Variants in RFX2 observed in about 807,000 individuals in gnomAD.
RFX2 encodes the protein regulatory factor X2.
A neutral mutation model predicts 87.8 loss-of-function variants in RFX2; 20 were observed. The observed-to-expected ratio is 0.23, with a 90% CI of 0.16 to 0.33. The LOEUF (loss-of-function observed/expected upper bound fraction) is 0.33, where lower values mean the gene tolerates loss of function less well. Ranked by LOEUF, RFX2 falls within the 10% of genes least tolerant of loss-of-function variation. RFX2 has a pLI of 1.00. For synonymous variants in RFX2, 397 were observed against 431.3 expected (o/e 0.92, Z 0.98); for missense variants, 767 against 1,012.3 (o/e 0.76, Z 3.29).
chr19:6,012,920 G>T lies in RFX2; in HGVS notation c.899+66C>A. 7.2e-7 allele frequency: 1 copy of T among 1,386,036 alleles called. No homozygotes were observed. The highest frequency in any genetic ancestry group is 1.8e-5 in the South Asian group (1 of 54,516). 85.9% of individuals were successfully genotyped at this position (1,386,036 alleles called of 1,614,324 possible). ...GTTATGATGAGTTTGTTTCGTGTTG[G>T]AGAAACACCCACCCCTCCATGCTCC... On this transcript the variant is annotated intron_variant, in intron 8 of 17. Coordinates refer to ENST00000303657, the MANE Select transcript of RFX2 (RefSeq NM_000635.4). This position sits in a 1 kb window ranked among gnomAD's most constrained non-coding sequence, Gnocchi z 4.6.
At position 6,007,269 on chromosome 19, in the gene RFX2, G is replaced by T. The variant is rs563942222; in HGVS notation, c.1248-103C>A. On this transcript the variant is annotated intron_variant, in intron 11 of 17. Coordinates refer to ENST00000303657, the MANE Select transcript of RFX2 (RefSeq NM_000635.4). This position sits in a 1 kb window ranked among gnomAD's most constrained non-coding sequence, Gnocchi z 8.2. ...CGGGCTGCGGGACTTTTGCCCAACA[G>T]TGGGGCTGGGGTTTTGCTCCCCATC... 4 of 1,240,576 alleles carry T rather than the reference G, an allele frequency of 3.2e-6. No individual in the cohort carries two copies. The Admixed American group carries it at 8.7e-5, about 27-fold the overall frequency. The allele number at this position is 1,240,576 out of a possible 1,614,324, so 76.8% of individuals were successfully genotyped here.
At position 6,022,590 on chromosome 19, in the gene RFX2, A is replaced by ACACCCGGT. The variant is rs2086830730; in HGVS notation, c.597+3565_597+3572dup. Among the ~76,000 whole-genome samples the ACACCCGGT allele has an allele frequency of 2.0e-5, 3 of 152,300 alleles. No individual in the cohort carries two copies. The highest frequency in any genetic ancestry group is 6.5e-5 in the Admixed American group (1 of 15,296). ...CTTCTGCTCAAGTCGGTGGCCTGCCACACCCGGTCGGGTGAAGACATGTTT... is the reference window on the plus strand; with the variant it reads ...CTTCTGCTCAAGTCGGTGGCCTGCCACACCCGGTCACCCGGTCGGGTGAAGACATGTTT... On this transcript the variant is annotated intron_variant, in intron 6 of 17. Coordinates refer to ENST00000303657, the MANE Select transcript of RFX2 (RefSeq NM_000635.4). This position sits in a 1 kb window ranked among gnomAD's most constrained non-coding sequence, Gnocchi z 6.2.
At chr19:6,048,783 C>T (rs2087231122) in intron 1 of RFX2, among the ~76,000 whole-genome samples, 2 of 152,272 alleles carry the variant, frequency 1.3e-5, no homozygotes, top group South Asian at 4.1e-4. Flanking sequence ...CTAAGGAAAG[C>T]AGAAAGGGAT....
At chr19:6,069,884 G>C (rs926751162) in intron 1 of RFX2, among the ~76,000 whole-genome samples, 5 of 152,196 alleles carry the variant, frequency 3.3e-5, no homozygotes, top group East Asian at 3.9e-4. Flanking sequence ...AGGAAACTGA[G>C]AGCGGGTTTC....
rs1021211997 is a variant in RFX2 at position 6,026,833 on chromosome 19, T to C, written c.523-596A>G. 1.3e-5 allele frequency: 2 copies of C among 152,544 alleles called. No homozygotes were observed. The highest frequency in any genetic ancestry group is 2.9e-5 in the Non-Finnish European group (2 of 68,354). The allele number at this position is 152,544 out of a possible 1,614,324, so 9.4% of individuals were successfully genotyped here. ...TGGCGAATGTTTACCCAGTGGGAGCTGTGCGAAGAAGATTTTTGGAAAAGA... is the reference window on the plus strand; with the variant it reads ...TGGCGAATGTTTACCCAGTGGGAGCCGTGCGAAGAAGATTTTTGGAAAAGA... On this transcript the variant is annotated intron_variant, in intron 5 of 17. Coordinates refer to ENST00000303657, the MANE Select transcript of RFX2 (RefSeq NM_000635.4). This position sits in a 1 kb window ranked among gnomAD's most constrained non-coding sequence, Gnocchi z 4.5.
intron 1 of RFX2, among the ~76,000 whole-genome samples, chr19:6,088,401 G>A (rs1262270534): frequency 6.6e-6 from 1 of 151,920 alleles, no homozygotes; most frequent in Non-Finnish European, 1.5e-5. Context: ...AGTAGAGATG[G>A]GGTTTCTCCC....
In RFX2 at chr19:6,047,826, T is replaced by C. The variant is rs1876776453; in HGVS notation, c.-8-322A>G. 1.3e-5 allele frequency among the ~76,000 whole-genome samples: 2 copies of C among 152,200 alleles called. No homozygotes were observed. The highest frequency in any genetic ancestry group is 4.8e-5 in the African/African-American group (2 of 41,454). On this transcript the variant is annotated intron_variant, in intron 1 of 17. Transcript: ENST00000303657. This position sits in a 1 kb window ranked among gnomAD's most constrained non-coding sequence, Gnocchi z 4.2. ...CAAGTCTGAGCAGGTTGAACTATTT[T>C]GAAGGGCTCAATTGTTTCCTCATTT...
rs759539369 is a variant in RFX2 at position 6,024,978 on chromosome 19, G to A, written c.597+1185C>T. Among the ~76,000 whole-genome samples, 12 of 152,062 alleles carry A rather than the reference G, an allele frequency of 7.9e-5. No homozygotes were observed. The highest frequency in any genetic ancestry group is 1.6e-4 in the Non-Finnish European group (11 of 68,004). ...GGACGGGAGTCAGGACGGGATCACG[G>A]TGATGACTGGGGTCCACTGAAGGGG... On this transcript the variant is annotated intron_variant, in intron 6 of 17. Coordinates refer to ENST00000303657, the MANE Select transcript of RFX2 (RefSeq NM_000635.4). The surrounding 1 kb of genome is among the most constrained non-coding windows in gnomAD (Gnocchi z 5.0).
chr19:6,104,502 G>A (rs1293468130), intron 1 of RFX2, among the ~76,000 whole-genome samples: 1 of 151,402 alleles, frequency 6.6e-6, no homozygotes, highest in Non-Finnish European at 1.5e-5. Context: ...CTGGGAGGTG[G>A]AGCTTGCAGT....
intron 12 of RFX2, among the ~76,000 whole-genome samples, chr19:6,005,231 G>A (rs144578565): frequency 1.1e-4 from 16 of 152,356 alleles, no homozygotes; most frequent in African/African-American, 3.4e-4. Flanking sequence ...GCAAGGCCAG[G>A]CCAAATGAGA....
chr19:6,001,682 G>T lies in RFX2; in HGVS notation c.1859+133C>A. 1.3e-6 allele frequency: 1 copy of T among 757,254 alleles called. No homozygotes were observed. The highest frequency in any genetic ancestry group is 2.0e-6 in the Non-Finnish European group (1 of 490,292). The allele number at this position is 757,254 out of a possible 1,614,324, so 46.9% of individuals were successfully genotyped here. ...CCCAGCCAGGTAGTTGTTTTTTGCG[G>T]GTTCAGACACTGCTGCAACTCTGCT... On this transcript the variant is annotated intron_variant, in intron 15 of 17. Transcript: ENST00000303657. This position sits in a 1 kb window ranked among gnomAD's most constrained non-coding sequence, Gnocchi z 5.6.
intron 13 of RFX2, among the ~76,000 whole-genome samples, chr19:6,003,821 A>C (rs930875620): frequency 8.3e-5 from 12 of 143,768 alleles, no homozygotes; most frequent in African/African-American, 2.8e-4. Flanking sequence ...AATGCTTGTG[A>C]GAACGGTGGG....
At chr19:6,051,521 T>C (rs1261810153) in intron 1 of RFX2, among the ~76,000 whole-genome samples, 1 of 152,070 alleles carries the variant, frequency 6.6e-6, no homozygotes, top group Non-Finnish European at 1.5e-5. Flanking sequence ...AAAAAATATA[T>C]ATACAAAAAG....
At position 6,021,552 on chromosome 19, in the gene RFX2, A is replaced by C. The variant is rs2086810712; in HGVS notation, c.597+4611T>G. Among the ~76,000 whole-genome samples the C allele has an allele frequency of 6.6e-6, 1 of 152,134 alleles. No individual in the cohort carries two copies. The highest frequency in any genetic ancestry group is 1.5e-5 in the Non-Finnish European group (1 of 68,016). Reference sequence around the variant, plus strand: ...GGCAGGGCTCACTGAGAAAGTGCCCACTGAGTGAAGACTCAGAGGAGGTGA... The same window carrying C: ...GGCAGGGCTCACTGAGAAAGTGCCCCCTGAGTGAAGACTCAGAGGAGGTGA... On this transcript the variant is annotated intron_variant, in intron 6 of 17. Transcript: ENST00000303657. The surrounding 1 kb of genome is among the most constrained non-coding windows in gnomAD (Gnocchi z 5.7).
At chr19:6,003,800 A>G (rs2086531731) in intron 13 of RFX2, among the ~76,000 whole-genome samples, 1 of 150,120 alleles carries the variant, frequency 6.7e-6, no homozygotes, top group South Asian at 2.1e-4. Flanking sequence ...AAAAAAAAAA[A>G]AAAAAAAAGA....
At position 6,044,827 on chromosome 19, in the gene RFX2, C is replaced by G. The variant is rs902232741; in HGVS notation, c.91-545G>C. On this transcript the variant is annotated intron_variant, in intron 2 of 17. Coordinates refer to ENST00000303657, the MANE Select transcript of RFX2 (RefSeq NM_000635.4). The surrounding 1 kb of genome is among the most constrained non-coding windows in gnomAD (Gnocchi z 5.3). Reference sequence around the variant, plus strand: ...AAGCCAGAGGGCTCAAGTGCTGCCTCTGGCTACAGAATACTCGAGTCCAGG... The same window carrying G: ...AAGCCAGAGGGCTCAAGTGCTGCCTGTGGCTACAGAATACTCGAGTCCAGG... 6.6e-6 allele frequency among the ~76,000 whole-genome samples: 1 copy of G among 152,238 alleles called. No individual in the cohort carries two copies. The highest frequency in any genetic ancestry group is 1.5e-5 in the Non-Finnish European group (1 of 68,044).
chr19:6,039,207 T>G lies in RFX2; in HGVS notation c.522+773A>C, dbSNP rs146179149. Among the ~76,000 whole-genome samples, 1 of 152,332 alleles carries G rather than the reference T, an allele frequency of 6.6e-6. No homozygotes were observed. Among genetic ancestry groups the G allele is most frequent in the Non-Finnish European group, 1.5e-5 (1 of 68,034 alleles). On this transcript the variant is annotated intron_variant, in intron 5 of 17. Coordinates refer to ENST00000303657, the MANE Select transcript of RFX2 (RefSeq NM_000635.4). This position sits in a 1 kb window ranked among gnomAD's most constrained non-coding sequence, Gnocchi z 5.2. ...CCAGAATGAGTAAAAGAAGCCTGTC[T>G]GAAAAGGTCACAATCTGTACGATTC...
chr19:6,014,073 A>C (rs1385789751), intron 7 of RFX2, among the ~76,000 whole-genome samples: 1 of 152,114 alleles, frequency 6.6e-6, no homozygotes, highest in Non-Finnish European at 1.5e-5. Context: ...GCTTTAAACA[A>C]TTTAGTTCAG....
chr19:6,047,491 C>T lies in RFX2; in HGVS notation c.6G>A (p.Gln2=). Residue 2 remains glutamine, a synonymous_variant, in exon 2 of 18, where the codon CAG becomes CAA. Transcript: ENST00000303657. The surrounding 1 kb of genome is among the most constrained non-coding windows in gnomAD (Gnocchi z 4.2). ...GCGAATCCGCTCCACCCTCGGAATT[C>T]TGCATGCTCAGGTCTAAAGAAAGGC... M[Q]NSEGGADSPA... 1.2e-6 allele frequency: 2 copies of T among 1,608,634 alleles called. No individual in the cohort carries two copies. The highest frequency in any genetic ancestry group is 1.7e-6 in the Non-Finnish European group (2 of 1,177,562).
Sources: allele counts gnomAD v4.1 joint callset (sites outside exome capture counted in the v4.1 genomes callset), GRCh38; gene constraint gnomAD v4.1.1; non-coding constraint Gnocchi (gnomAD v3.1); transcripts MANE v1.5; gene names NCBI Gene and HGNC (gene_info 2026-07-23, HGNC 2026-07-21).